The following ANKS1B variants were observed in gnomAD, a reference collection of about 807,000 sequenced individuals.
The protein encoded by ANKS1B is ankyrin repeat and sterile alpha motif domain containing 1B.
Under a neutral mutation model 148.3 loss-of-function variants are expected in ANKS1B, and 36 were observed. That is an observed-to-expected ratio of 0.24 (90% CI 0.19 to 0.32). The LOEUF (loss-of-function observed/expected upper bound fraction) is 0.32, where lower values mean the gene tolerates loss of function less well. ANKS1B is among the 10% of genes least tolerant of loss of function. The pLI is 1.00. For missense variants in ANKS1B, 1,157 were observed against 1,542.6 expected, an observed-to-expected ratio of 0.75 and a Z score of 4.19; for synonymous variants, 542 against 560.8, an observed-to-expected ratio of 0.97 and a Z score of 0.47.
intron 9 of ANKS1B, among the ~76,000 whole-genome samples, chr12:99,611,312 T>A (rs968101327): frequency 3.9e-5 from 6 of 152,240 alleles, no homozygotes; most frequent in Non-Finnish European, 8.8e-5. Flanking sequence ...AATCTCCCAA[T>A]TCCACGTTTC....
chr12:99,455,163 A>G (rs1175307074), intron 10 of ANKS1B, among the ~76,000 whole-genome samples: 2 of 151,852 alleles, frequency 1.3e-5, no homozygotes, highest in Admixed American at 6.6e-5. Flanking sequence ...ATATCTTTCT[A>G]TTCATTCCAA....
At chr12:99,904,192 ATTCT>A (rs2093697860) in intron 1 of ANKS1B, among the ~76,000 whole-genome samples, 1 of 119,528 alleles carries the variant, frequency 8.4e-6, no homozygotes, top group Non-Finnish European at 1.8e-5. Flanking sequence ...AACCCTAATA[ATTCT>A]TTTTTTTTTT....
In ANKS1B at chr12:99,652,462, G is replaced by C. The variant is rs141245586; in HGVS notation, c.1272+2605C>G. Among the ~76,000 whole-genome samples, 589 of 151,400 alleles carry C rather than the reference G, an allele frequency of 3.9e-3. 4 individuals carry two copies. The highest frequency in any genetic ancestry group is 0.013 in the African/African-American group (542 of 41,274). On this transcript the variant is annotated intron_variant, in intron 9 of 26. Transcript: ENST00000683438. ...CACTCCAGCCTGGGAAACAGAGCGA[G>C]ACTCCATCTGAAAAAAAAAGAAAAA...
At chr12:99,700,047 A>C (rs1263905380) in intron 8 of ANKS1B, among the ~76,000 whole-genome samples, 2 of 152,196 alleles carry the variant, frequency 1.3e-5, no homozygotes, top group Admixed American at 1.3e-4. Context: ...GACTAAATTC[A>C]TGCTTAATTT....
intron 17 of ANKS1B, among the ~76,000 whole-genome samples, chr12:98,985,120 ATTATT>A: frequency 6.6e-6 from 1 of 152,188 alleles, no homozygotes; most frequent in South Asian, 2.1e-4. Flanking sequence ...TATTTTATTT[ATTATT>A]TTATTTTGAG....
At chr12:99,226,900 G>T (rs919550165) in intron 14 of ANKS1B, among the ~76,000 whole-genome samples, 1 of 152,152 alleles carries the variant, frequency 6.6e-6, no homozygotes, top group Non-Finnish European at 1.5e-5. Context: ...TTATAGGGAC[G>T]GCTAAACAGA....
At chr12:99,002,741 C>G (rs1459728292) in intron 17 of ANKS1B, among the ~76,000 whole-genome samples, 1 of 152,028 alleles carries the variant, frequency 6.6e-6, no homozygotes, top group African/African-American at 2.4e-5. Context: ...AGAAATTAAC[C>G]CCTTCTCCAT....
intron 17 of ANKS1B, among the ~76,000 whole-genome samples, chr12:98,972,379 C>T (rs895610330): frequency 4.6e-5 from 7 of 152,090 alleles, no homozygotes; most frequent in Non-Finnish European, 1.0e-4. Flanking sequence ...CTGTATTAGT[C>T]GGATTTGATC....
chr12:99,258,365 C>T (rs866432547), intron 12 of ANKS1B, among the ~76,000 whole-genome samples: 10 of 151,600 alleles, frequency 6.6e-5, no homozygotes, highest in South Asian at 2.1e-4. Context: ...TTATAAAGAA[C>T]ACAAAAGAAA....
chr12:99,815,092 C>T (rs2068927843), intron 2 of ANKS1B, among the ~76,000 whole-genome samples: 1 of 151,700 alleles, frequency 6.6e-6, no homozygotes, highest in African/African-American at 2.4e-5. Flanking sequence ...CATTTCCTTT[C>T]AAGGGGTAAA....
At chr12:99,972,338 C>G (rs1366396974) in intron 1 of ANKS1B, among the ~76,000 whole-genome samples, 1 of 152,108 alleles carries the variant, frequency 6.6e-6, no homozygotes, top group Non-Finnish European at 1.5e-5. Flanking sequence ...AACAGTTAGC[C>G]AAGCTGCAAA....
chr12:99,155,245 C>T (rs749160129), intron 14 of ANKS1B, among the ~76,000 whole-genome samples: 1 of 152,090 alleles, frequency 6.6e-6, no homozygotes, highest in African/African-American at 2.4e-5. Context: ...CACAGATAAA[C>T]GTTTCTGATC....
At chr12:99,908,917 G>A (rs1010900786) in intron 1 of ANKS1B, among the ~76,000 whole-genome samples, 3 of 151,856 alleles carry the variant, frequency 2.0e-5, no homozygotes, top group African/African-American at 7.3e-5. Flanking sequence ...CTGTACATTG[G>A]ATCTCTAGAC....
At chr12:99,899,716 T>G (rs1168810342) in intron 1 of ANKS1B, among the ~76,000 whole-genome samples, 1 of 152,162 alleles carries the variant, frequency 6.6e-6, no homozygotes, top group Non-Finnish European at 1.5e-5. Flanking sequence ...GCAGCTAAAC[T>G]AGCTTCTCTT....
chr12:99,533,372 G>C (rs1286757593), intron 9 of ANKS1B, among the ~76,000 whole-genome samples: 1 of 152,154 alleles, frequency 6.6e-6, no homozygotes. Context: ...ACTGATTAGT[G>C]TTTATGTTGA....
At chr12:99,648,138 A>G in intron 9 of ANKS1B, 1 of 1,583,884 alleles carries the variant, frequency 6.3e-7, no homozygotes, top group Non-Finnish European at 8.6e-7. Flanking sequence ...GAAGGTGTGG[A>G]GCAGCTGCTG....
intron 17 of ANKS1B, among the ~76,000 whole-genome samples, chr12:98,968,576 A>T (rs2099880588): frequency 6.6e-6 from 1 of 152,204 alleles, no homozygotes; most frequent in African/African-American, 2.4e-5. Flanking sequence ...TGAAAAACGC[A>T]CATTGCTCAC....
chr12:99,635,536 G>C (rs1322851454), intron 9 of ANKS1B, among the ~76,000 whole-genome samples: 1 of 152,072 alleles, frequency 6.6e-6, no homozygotes, highest in Admixed American at 6.6e-5. Context: ...ACTTAGTTGA[G>C]GTATCTAGAG....
chr12:99,415,032 A>C (rs2094850800), intron 11 of ANKS1B, among the ~76,000 whole-genome samples: 2 of 152,216 alleles, frequency 1.3e-5, no homozygotes, highest in Admixed American at 1.3e-4. Flanking sequence ...ATGAGAGGAT[A>C]ATAAAAGTTC....
Sources: gnomAD v4.1 joint callset for allele counts (sites outside exome capture counted in the v4.1 genomes callset) on GRCh38, gnomAD v4.1.1 for gene constraint, MANE v1.5 for transcripts, NCBI Gene and HGNC (gene_info 2026-07-23, HGNC 2026-07-21) for gene names.